Variants in CPEB3 observed in about 807,000 individuals in gnomAD.
CPEB3 encodes the protein cytoplasmic polyadenylation element-binding protein 3.
CPEB3 carries 20 observed loss-of-function variants against 67.2 expected under a neutral mutation model. The observed-to-expected ratio is 0.30, with a 90% CI of 0.21 to 0.43. CPEB3 has a LOEUF of 0.43. Ranked by LOEUF, CPEB3 falls within the 20% of genes least tolerant of loss-of-function variation. The pLI is 1.00. For missense variants in CPEB3, 746 were observed against 968.6 expected (o/e 0.77, Z 3.05); for synonymous variants, 376 against 393.1 (o/e 0.96, Z 0.51).
chr10:92,253,219 TGG>T (rs1241062137), intron 1 of CPEB3, among the ~76,000 whole-genome samples: 1 of 151,986 alleles, frequency 6.6e-6, no homozygotes, highest in Non-Finnish European at 1.5e-5. Flanking sequence ...CCCAGCACTT[TGG>T]GAGGCCGAGG....
intron 1 of CPEB3, among the ~76,000 whole-genome samples, chr10:92,283,613 G>A (rs890439301): frequency 6.6e-6 from 1 of 151,880 alleles, no homozygotes; most frequent in Non-Finnish European, 1.5e-5. Context: ...AGGGCACACA[G>A]ATCAAAATTT....
chr10:92,217,027 A>C (rs1026381504), intron 2 of CPEB3, among the ~76,000 whole-genome samples: 1 of 149,602 alleles, frequency 6.7e-6, no homozygotes, highest in African/African-American at 2.5e-5. Context: ...TGGAGAAAGT[A>C]AATGCTAAGA....
rs1228907239 is a variant in CPEB3, at chr10:92,049,308, G to A, written c.*2904C>T. The A allele has an allele frequency of 2.0e-5, 3 of 151,476 alleles. No individual in the cohort carries two copies. Among genetic ancestry groups the A allele is most frequent in the South Asian group, 2.1e-4 (1 of 4,796 alleles). 9.4% of individuals were successfully genotyped at this position (151,476 alleles called of 1,614,324 possible). A position where few individuals can be genotyped will look rare whatever the true frequency, so the allele number is the denominator to read the frequency against. ...GTTAGGTTATAGCCTTCAAAAAATC[G>A]ACTAGTTCAAGTGTCACACCAAGGA... On this transcript the variant is annotated 3_prime_UTR_variant, in exon 10 of 10. Coordinates refer to ENST00000265997, the MANE Select transcript of CPEB3 (RefSeq NM_014912.5).
intron 9 of CPEB3, among the ~76,000 whole-genome samples, chr10:92,077,734 CAA>C (rs1842988550): frequency 8.1e-6 from 1 of 123,750 alleles, no homozygotes; most frequent in Non-Finnish European, 1.6e-5. Flanking sequence ...GACCCTGTCA[CAA>C]AAAGAGAAGA....
chr10:92,169,641 G>A (rs1470341544), intron 4 of CPEB3, among the ~76,000 whole-genome samples: 1 of 152,156 alleles, frequency 6.6e-6, no homozygotes, highest in Non-Finnish European at 1.5e-5. Flanking sequence ...AACACAACTA[G>A]AAAACCAAAG....
intron 2 of CPEB3, among the ~76,000 whole-genome samples, chr10:92,233,935 C>T (rs1851397747): frequency 6.6e-6 from 1 of 151,744 alleles, no homozygotes; most frequent in South Asian, 2.1e-4. Flanking sequence ...AGTGAAACCC[C>T]GTCTCTATTA....
chr10:92,105,196 A>G (rs1844386074), intron 7 of CPEB3, among the ~76,000 whole-genome samples: 1 of 152,250 alleles, frequency 6.6e-6, no homozygotes, highest in Non-Finnish European at 1.5e-5. Context: ...AGATGTGGAC[A>G]TACAAAACCA....
chr10:92,178,244 T>C (rs1257455415), intron 4 of CPEB3, among the ~76,000 whole-genome samples: 3 of 151,608 alleles, frequency 2.0e-5, no homozygotes, highest in African/African-American at 7.3e-5. Flanking sequence ...CTGCAACCTC[T>C]GCCTCCTGGG....
At chr10:92,164,759 G>T (rs1847656881) in intron 4 of CPEB3, among the ~76,000 whole-genome samples, 1 of 152,072 alleles carries the variant, frequency 6.6e-6, no homozygotes, top group African/African-American at 2.4e-5. Context: ...AATCTATAAA[G>T]ACCTTGAAAG....
intron 1 of CPEB3, among the ~76,000 whole-genome samples, chr10:92,264,645 G>A (rs1272219123): frequency 2.6e-5 from 4 of 151,814 alleles, no homozygotes; most frequent in African/African-American, 9.7e-5. Context: ...GAACCCGGGA[G>A]GCAGAGGTTG....
chr10:92,186,324 C>T (rs553641098), intron 3 of CPEB3, among the ~76,000 whole-genome samples: 2 of 151,634 alleles, frequency 1.3e-5, no homozygotes, highest in African/African-American at 2.4e-5. Context: ...CGGGAGGTGA[C>T]GACTGCAGTG....
At chr10:92,123,430 C>T (rs1055927525) in intron 6 of CPEB3, among the ~76,000 whole-genome samples, 1 of 152,162 alleles carries the variant, frequency 6.6e-6, no homozygotes, top group African/African-American at 2.4e-5. Context: ...ACCTAATAAG[C>T]CTAAGTATTG....
chr10:92,058,592 C>CATATATAT (rs58100356), intron 9 of CPEB3, among the ~76,000 whole-genome samples: 4 of 140,384 alleles, frequency 2.8e-5, no homozygotes, highest in Admixed American at 6.9e-5. Flanking sequence ...TACATACATA[C>CATATATAT]ATATATATAT....
intron 9 of CPEB3, among the ~76,000 whole-genome samples, chr10:92,055,579 G>A (rs1842078968): frequency 6.6e-6 from 1 of 152,030 alleles, no homozygotes; most frequent in Non-Finnish European, 1.5e-5. Flanking sequence ...TTTTCTGTCG[G>A]CCCCCTTCAA....
intron 1 of CPEB3, among the ~76,000 whole-genome samples, chr10:92,243,723 T>A (rs1290606971): frequency 1.3e-5 from 2 of 152,206 alleles, no homozygotes; most frequent in African/African-American, 2.4e-5. Context: ...AATAATTTTT[T>A]AAATTTTTCA....
chr10:92,248,752 C>T (rs561327771), intron 1 of CPEB3, among the ~76,000 whole-genome samples: 1 of 152,146 alleles, frequency 6.6e-6, no homozygotes, highest in Non-Finnish European at 1.5e-5. Context: ...GTAACAGACA[C>T]ACACCCCGCC....
intron 2 of CPEB3, among the ~76,000 whole-genome samples, chr10:92,202,083 TA>T (rs907215331): frequency 6.6e-6 from 1 of 151,790 alleles, no homozygotes; most frequent in Non-Finnish European, 1.5e-5. Context: ...CTAGAATGGA[TA>T]AAAAAAACAA....
intron 2 of CPEB3, among the ~76,000 whole-genome samples, chr10:92,232,337 G>A (rs1037882966): frequency 4.6e-5 from 7 of 151,856 alleles, no homozygotes; most frequent in African/African-American, 1.7e-4. Context: ...TTACAGGCGT[G>A]AGCCACCGTG....
intron 2 of CPEB3, among the ~76,000 whole-genome samples, chr10:92,200,186 ATTG>A (rs1199111979): frequency 1.3e-5 from 2 of 152,188 alleles, no homozygotes; most frequent in Non-Finnish European, 2.9e-5. Flanking sequence ...ATTCTTTAAA[ATTG>A]TTGTTAAACA....
Sources: allele counts gnomAD v4.1 joint callset (sites outside exome capture counted in the v4.1 genomes callset), GRCh38; gene constraint gnomAD v4.1.1; transcripts MANE v1.5; gene names NCBI Gene and HGNC (gene_info 2026-07-23, HGNC 2026-07-21).